AOPEP: variants seen among roughly 807,000 people sequenced by gnomAD.
AOPEP encodes the protein aminopeptidase O.
Under a neutral mutation model 98.1 loss-of-function variants are expected in AOPEP, and 77 were observed. That is an observed-to-expected ratio of 0.78 (90% CI 0.65 to 0.95). The LOEUF (loss-of-function observed/expected upper bound fraction) is 0.95. Among genes scored for constraint, AOPEP ranks in the 40% least tolerant of loss-of-function variants. The pLI is 0.00. For missense variants in AOPEP, 1,024 were observed against 1,024.7 expected (o/e 1.00, Z 0.01); for synonymous variants, 346 against 365.3 (o/e 0.95, Z 0.60).
chr9:94,761,010 G>A (rs1248126446), intron 2 of AOPEP, among the ~76,000 whole-genome samples: 1 of 152,192 alleles, frequency 6.6e-6, no homozygotes, highest in African/African-American at 2.4e-5. Flanking sequence ...GCCTGGCAAA[G>A]TGCTTTCAAA....
the AOPEP span, chr9:95,107,590 C>T: frequency 4.4e-6 from 2 of 458,170 alleles, no homozygotes; most frequent in African/African-American, 3.9e-5. Flanking sequence ...GGAAAAAGAA[C>T]AAAAGGCTCC....
chr9:95,070,580 C>G (rs1408394461), intron 14 of AOPEP, among the ~76,000 whole-genome samples: 1 of 152,248 alleles, frequency 6.6e-6, no homozygotes, highest in African/African-American at 2.4e-5. Context: ...TCAAGTGGTA[C>G]GTTTACTCAG....
intron 5 of AOPEP, among the ~76,000 whole-genome samples, chr9:94,823,914 A>T (rs1050154056): frequency 2.0e-5 from 3 of 152,180 alleles, no homozygotes; most frequent in Admixed American, 2.0e-4. Context: ...TAGTCACGTG[A>T]CGTTGAATTG....
At chr9:95,038,096 A>T (rs927586002) in intron 13 of AOPEP, among the ~76,000 whole-genome samples, 2 of 152,190 alleles carry the variant, frequency 1.3e-5, no homozygotes, top group African/African-American at 4.8e-5. Context: ...ACCGAAAGTT[A>T]TATGTACTGT....
intron 7 of AOPEP, among the ~76,000 whole-genome samples, chr9:94,947,271 G>A (rs922991539): frequency 3.3e-5 from 5 of 149,982 alleles, no homozygotes; most frequent in East Asian, 4.0e-4. Context: ...GTGATCCACC[G>A]CACCCGGCCT....
intron 7 of AOPEP, among the ~76,000 whole-genome samples, chr9:94,940,163 C>G (rs1250148777): frequency 6.6e-6 from 1 of 152,158 alleles, no homozygotes. Context: ...AGCTTTAGTC[C>G]CCTTAGCTGT....
chr9:94,825,721 T>G (rs1424886587), intron 5 of AOPEP, among the ~76,000 whole-genome samples: 1 of 152,182 alleles, frequency 6.6e-6, no homozygotes, highest in Non-Finnish European at 1.5e-5. Context: ...GAGAGACTGT[T>G]TTATTCCATT....
intron 5 of AOPEP, among the ~76,000 whole-genome samples, chr9:94,850,481 TC>T (rs1424873237): frequency 6.6e-6 from 1 of 152,178 alleles, no homozygotes; most frequent in Non-Finnish European, 1.5e-5. Flanking sequence ...CCTTTAATCC[TC>T]ATTTCATCTT....
chr9:94,743,326 G>A (rs7866848), intron 1 of AOPEP, among the ~76,000 whole-genome samples: 98,148 of 151,794 alleles, frequency 0.65, 32,346 homozygotes, highest in African/African-American at 0.77. Flanking sequence ...GAAAGTTAGT[G>A]GTATGAGATG....
At chr9:95,099,655 C>G in the AOPEP span, 8 of 231,566 alleles carry the variant, frequency 3.5e-5, no homozygotes, top group Non-Finnish European at 6.0e-5. Context: ...ATGAAGCCAG[C>G]AGGCACTTCA....
chr9:94,790,863 A>C (rs771193317), intron 3 of AOPEP, among the ~76,000 whole-genome samples: 1 of 151,854 alleles, frequency 6.6e-6, no homozygotes, highest in Non-Finnish European at 1.5e-5. Flanking sequence ...CACCGACCAA[A>C]TTGGACAACC....
At position 94,800,771 on chromosome 9, in the gene AOPEP, GCA is replaced by G. The variant is rs1848048547; in HGVS notation, c.1134_1135del (p.Cys378TrpfsTer102). Reference sequence around the variant, plus strand: ...GTTATTCCCAGGCATGTTGGTGTTTGCAGTCACATGGAATACCCCTGCCGCTT... The same window carrying G: ...GTTATTCCCAGGCATGTTGGTGTTTGGTCACATGGAATACCCCTGCCGCTT... On this transcript the variant is annotated frameshift_variant, in exon 5 of 17. Transcript: ENST00000375315. LOFTEE classifies it high-confidence loss of function. 13 of 1,613,946 alleles carry G rather than the reference GCA, an allele frequency of 8.1e-6. No homozygotes were observed. Among genetic ancestry groups the G allele is most frequent in the Non-Finnish European group, 1.1e-5 (13 of 1,179,932 alleles).
chr9:95,075,784 GGC>G (rs2068985969), intron 14 of AOPEP, among the ~76,000 whole-genome samples: 1 of 152,204 alleles, frequency 6.6e-6, no homozygotes, highest in Non-Finnish European at 1.5e-5. Flanking sequence ...CTACTTGAGA[GGC>G]TGAGGCCAGA....
In AOPEP at chr9:94,777,625, CTTTTTTTTTT is replaced by C. The variant is rs34067261; in HGVS notation, c.964+4474_964+4483del. On this transcript the variant is annotated intron_variant, in intron 3 of 16. Transcript: ENST00000375315. ...AGGCTTGTACCTAGAATTATATAAT[CTTTTTTTTTT>C]TTTTTTTTTTTTTTTTGAGACAGTG... Among the ~76,000 whole-genome samples the C allele has an allele frequency of 7.4e-5, 7 of 94,182 alleles. 1 individual carries two copies. The South Asian group carries it at 2.8e-3, about 37-fold the overall frequency. The allele number at this position is 94,182 out of a possible 152,430, so 61.8% of individuals were successfully genotyped here.
At chr9:94,833,235 CT>C (rs34212567) in intron 5 of AOPEP, among the ~76,000 whole-genome samples, 2,204 of 70,212 alleles carry the variant, frequency 0.031, 67 homozygotes, top group African/African-American at 0.12. Flanking sequence ...CACACCCGTC[CT>C]TTTTTTTTTT....
At chr9:94,971,601 T>A (rs536283614) in intron 10 of AOPEP, among the ~76,000 whole-genome samples, 3 of 152,224 alleles carry the variant, frequency 2.0e-5, no homozygotes, top group Non-Finnish European at 4.4e-5. Context: ...TGAACTGTTC[T>A]GATGAGGCAA....
chr9:95,084,383 A>AAGGGAAACGGGACTGAGCGTCTCGT (rs1274163394), intron 16 of AOPEP, among the ~76,000 whole-genome samples: 4 of 152,234 alleles, frequency 2.6e-5, no homozygotes, highest in African/African-American at 9.6e-5. Flanking sequence ...TGTGCCAGGA[A>AAGGGAAACGGGACTGAGCGTCTCGT]AGGGAAACGG....
At chr9:94,836,245 T>A (rs1293077301) in intron 5 of AOPEP, among the ~76,000 whole-genome samples, 1 of 152,222 alleles carries the variant, frequency 6.6e-6, no homozygotes, top group South Asian at 2.1e-4. Context: ...AGAGTAAATA[T>A]CTGGGAGAGG....
intron 1 of AOPEP, among the ~76,000 whole-genome samples, chr9:94,752,948 T>C (rs1836169532): frequency 6.6e-6 from 1 of 152,206 alleles, no homozygotes; most frequent in South Asian, 2.1e-4. Context: ...CCATAGAAGA[T>C]GTACAGCCAT....
Sources: gnomAD v4.1 joint callset for allele counts (sites outside exome capture counted in the v4.1 genomes callset) on GRCh38, gnomAD v4.1.1 for gene constraint, MANE v1.5 for transcripts, NCBI Gene and HGNC (gene_info 2026-07-23, HGNC 2026-07-21) for gene names.